The following AFAP1L1 variants were observed in gnomAD, a reference collection of about 807,000 sequenced individuals.
AFAP1L1 encodes actin filament associated protein 1 like 1.
A neutral mutation model predicts 99.8 loss-of-function variants in AFAP1L1; 77 were observed. That is an observed-to-expected ratio of 0.77 (90% CI 0.64 to 0.93). AFAP1L1 has a LOEUF of 0.93. Among genes scored for constraint, AFAP1L1 ranks in the 40% least tolerant of loss-of-function variants. AFAP1L1 has a pLI of 0.00. For missense variants in AFAP1L1, 893 were observed against 996.8 expected, an observed-to-expected ratio of 0.90 and a Z score of 1.40; for synonymous variants, 373 against 395.3, an observed-to-expected ratio of 0.94 and a Z score of 0.67.
At position 149,319,630 on chromosome 5, in the gene AFAP1L1, G is replaced by A; in HGVS notation, c.1528G>A (p.Glu510Lys). 3 of 1,613,348 alleles carry A rather than the reference G, an allele frequency of 1.9e-6. No homozygotes were observed. Among genetic ancestry groups the A allele is most frequent in the Non-Finnish European group, 2.5e-6 (3 of 1,179,970 alleles). The change falls in exon 13 of 19, where the codon GAG (glutamate) becomes AAG (lysine). Residue 510 changes from glutamate to lysine, a missense_variant. Coordinates refer to ENST00000296721, the MANE Select transcript of AFAP1L1 (RefSeq NM_152406.4). ...MGRWLGLLLVEMGSRVTPEAL... is the reference protein window; with the variant it reads ...MGRWLGLLLVKMGSRVTPEAL... Reference sequence around the variant, plus strand: ...TCGCTGGCTCGGGCTGCTGCTGGTGGAGATGGGCTCCAGAGTCACTCCGGA... The same window carrying A: ...TCGCTGGCTCGGGCTGCTGCTGGTGAAGATGGGCTCCAGAGTCACTCCGGA...
At chr5:149,326,238 G>A (rs1015511044) in intron 15 of AFAP1L1, among the ~76,000 whole-genome samples, 1 of 152,170 alleles carries the variant, frequency 6.6e-6, no homozygotes, top group African/African-American at 2.4e-5. Context: ...CACAGAAAGA[G>A]ACAGCTAAAA....
At chr5:149,338,285 C>T (rs554136412) in intron 18 of AFAP1L1, among the ~76,000 whole-genome samples, 76 of 152,034 alleles carry the variant, frequency 5.0e-4, no homozygotes, top group African/African-American at 1.7e-3. Context: ...CATGGCGAAA[C>T]CCTGTGTCTA....
At chr5:149,297,585 G>C (rs1282023509) in intron 1 of AFAP1L1, among the ~76,000 whole-genome samples, 4 of 152,174 alleles carry the variant, frequency 2.6e-5, no homozygotes, top group African/African-American at 9.7e-5. Flanking sequence ...TCAGCTCATT[G>C]TCAACGAGTT....
intron 1 of AFAP1L1, among the ~76,000 whole-genome samples, chr5:149,296,982 CA>C (rs994913556): frequency 6.6e-5 from 10 of 152,114 alleles, no homozygotes; most frequent in African/African-American, 2.4e-4. Context: ...AACAGCAGCA[CA>C]GGGGTAACCA....
chr5:149,281,834 A>G (rs1755527537), intron 1 of AFAP1L1, among the ~76,000 whole-genome samples: 1 of 152,164 alleles, frequency 6.6e-6, no homozygotes, highest in Admixed American at 6.5e-5. Context: ...CTAAGTGGGG[A>G]CAAGGAGGGT....
At position 149,277,608 on chromosome 5, in the gene AFAP1L1, A is replaced by T. The variant is rs549834259; in HGVS notation, c.16+5624A>T. Among the ~76,000 whole-genome samples the T allele has an allele frequency of 3.3e-5, 5 of 152,210 alleles. No individual in the cohort carries two copies. The South Asian group carries it at 1.0e-3, about 32-fold the overall frequency. On this transcript the variant is annotated intron_variant, in intron 1 of 18. Coordinates refer to ENST00000296721, the MANE Select transcript of AFAP1L1 (RefSeq NM_152406.4). Reference sequence around the variant, plus strand: ...TCTTTTGAAAGGAACCCTTATCCATATTCGAATCATCTTTTTGATCCAAAC... The same window carrying T: ...TCTTTTGAAAGGAACCCTTATCCATTTTCGAATCATCTTTTTGATCCAAAC...
At chr5:149,274,064 G>T (rs894717654) in intron 1 of AFAP1L1, among the ~76,000 whole-genome samples, 1 of 152,152 alleles carries the variant, frequency 6.6e-6, no homozygotes, top group Admixed American at 6.5e-5. Context: ...GCTCTGACCT[G>T]CTCTCTCCCT....
chr5:149,342,330 G>A lies in AFAP1L1; in HGVS notation c.*2300G>A, dbSNP rs185626887. Among the ~76,000 whole-genome samples, 1 of 152,284 alleles carries A rather than the reference G, an allele frequency of 6.6e-6. No homozygotes were observed. Among genetic ancestry groups the A allele is most frequent in the East Asian group, 1.9e-4 (1 of 5,188 alleles). ...AGTTCAGGAAATGGAAGCTCACAGA[G>A]GTCAGGTAACTTGTCCAAGCTCCCA... On this transcript the variant is annotated 3_prime_UTR_variant, in exon 19 of 19. Transcript: ENST00000296721.
At chr5:149,275,349 C>T (rs966193967) in intron 1 of AFAP1L1, among the ~76,000 whole-genome samples, 4 of 152,150 alleles carry the variant, frequency 2.6e-5, no homozygotes, top group African/African-American at 9.7e-5. Flanking sequence ...GGGTTAGTGT[C>T]GGGTGGGACC....
intron 1 of AFAP1L1, among the ~76,000 whole-genome samples, chr5:149,287,565 G>A (rs1755721332): frequency 6.6e-6 from 1 of 151,832 alleles, no homozygotes; most frequent in South Asian, 2.1e-4. Flanking sequence ...TCCACCTGAG[G>A]TTCTATTTTT....
intron 1 of AFAP1L1, among the ~76,000 whole-genome samples, chr5:149,298,751 C>T (rs1222555809): frequency 6.6e-6 from 1 of 152,210 alleles, no homozygotes; most frequent in Non-Finnish European, 1.5e-5. Flanking sequence ...ACACTGAAGT[C>T]CTTAAAGGAC....
chr5:149,287,906 G>T (rs76471671), intron 1 of AFAP1L1, among the ~76,000 whole-genome samples: 7,480 of 152,190 alleles, frequency 0.049, 258 homozygotes, highest in Middle Eastern at 0.099. Context: ...TTTAAAAGAA[G>T]TAAAAGTGTA....
At chr5:149,306,436 C>T in intron 6 of AFAP1L1, 32 bp downstream of exon 6, 3 of 1,574,308 alleles carry the variant, frequency 1.9e-6, no homozygotes, top group South Asian at 1.1e-5. Flanking sequence ...AGATGCTGGG[C>T]AGGGCTTCTG....
chr5:149,287,681 C>A (rs997377727), intron 1 of AFAP1L1, among the ~76,000 whole-genome samples: 1 of 151,692 alleles, frequency 6.6e-6, no homozygotes, highest in Admixed American at 6.6e-5. Context: ...CTCCTGGGTT[C>A]AAGCGATTCT....
intron 17 of AFAP1L1, among the ~76,000 whole-genome samples, chr5:149,333,730 G>A (rs1211967350): frequency 6.6e-6 from 1 of 152,204 alleles, no homozygotes; most frequent in Non-Finnish European, 1.5e-5. Flanking sequence ...ATGTTAAGCA[G>A]CATCTCTAGC....
chr5:149,329,097 A>C (rs1757178421), intron 15 of AFAP1L1, among the ~76,000 whole-genome samples: 2 of 152,106 alleles, frequency 1.3e-5, no homozygotes, highest in South Asian at 4.1e-4. Context: ...AGATATCTGA[A>C]AACTGACTAT....
At position 149,301,185 on chromosome 5, in the gene AFAP1L1, C is replaced by A. The variant is rs1458360745; in HGVS notation, c.282C>A (p.Ser94Arg). 5.6e-6 allele frequency: 9 copies of A among 1,613,914 alleles called. No individual in the cohort carries two copies. The highest frequency in any genetic ancestry group is 5.0e-5 in the Admixed American group (3 of 60,004). The change falls in exon 4 of 19, where the codon AGC becomes AGA. Residue 94 changes from serine to arginine, a missense_variant. Ser to Arg is a moderately radical substitution (Grantham distance 110, BLOSUM62 -1). Transcript: ENST00000296721. ...RDMPEDDGEP[S>R]KGASPELAKS... ...TGCCAGAGGATGATGGGGAGCCCAG[C>A]AAAGGAGCCAGCCCTGAGCTAGCCA...
chr5:149,296,854 CT>C (rs1225714656), intron 1 of AFAP1L1, among the ~76,000 whole-genome samples: 1 of 152,166 alleles, frequency 6.6e-6, no homozygotes, highest in Non-Finnish European at 1.5e-5. Context: ...CCTCAGGAAA[CT>C]TACAATCATG....
At chr5:149,292,076 T>A (rs1389609848) in intron 1 of AFAP1L1, among the ~76,000 whole-genome samples, 1 of 152,238 alleles carries the variant, frequency 6.6e-6, no homozygotes, top group Non-Finnish European at 1.5e-5. Context: ...AATTTGTAAT[T>A]TGCAAGCTGT....
Sources: gnomAD v4.1 joint callset for allele counts (sites outside exome capture counted in the v4.1 genomes callset) on GRCh38, gnomAD v4.1.1 for gene constraint, MANE v1.5 for transcripts, NCBI Gene and HGNC (gene_info 2026-07-23, HGNC 2026-07-21) for gene names.